C12orf42: variants seen among roughly 807,000 people sequenced by gnomAD.
C12orf42 encodes the protein chromosome 12 open reading frame 42, also known as uncharacterized protein C12orf42.
A neutral mutation model predicts 21.6 loss-of-function variants in C12orf42; 25 were observed. The ratio of observed to expected loss-of-function variants is 1.16; its 90% CI spans 0.84 to 1.62. The LOEUF (loss-of-function observed/expected upper bound fraction) is 1.62. C12orf42 is among the 40% of genes most tolerant of loss of function. The pLI is 0.00. For synonymous variants in C12orf42, 174 were observed against 175.0 expected (o/e 0.99, Z 0.05); for missense variants, 483 against 459.3 (o/e 1.05, Z -0.47).
chr12:103,370,141 A>T (rs1224818847), intron 3 of C12orf42, among the ~76,000 whole-genome samples: 1 of 152,164 alleles, frequency 6.6e-6, no homozygotes, highest in Admixed American at 6.6e-5. Context: ...GCTCAACATC[A>T]CTAATCATTA....
chr12:103,473,739 CTCCCAA>C (rs1407583925), intron 2 of C12orf42, among the ~76,000 whole-genome samples: 2 of 152,184 alleles, frequency 1.3e-5, no homozygotes, highest in Non-Finnish European at 2.9e-5. Context: ...CCTGAGCTCA[CTCCCAA>C]TCCCTGTATT....
At chr12:103,527,154 G>A in the C12orf42 span, among the ~76,000 whole-genome samples, 1,269 of 152,090 alleles carry the variant, frequency 8.3e-3, 19 homozygotes, top group African/African-American at 0.029. Context: ...CTGCTGAAAG[G>A]CTTCTGAGAA....
chr12:103,553,334 A>C, the C12orf42 span, among the ~76,000 whole-genome samples: 1 of 152,136 alleles, frequency 6.6e-6, no homozygotes, highest in African/African-American at 2.4e-5. Context: ...TAGTATAAGA[A>C]GGCATATGAC....
chr12:103,343,774 CAA>C (rs397747722), intron 4 of C12orf42, among the ~76,000 whole-genome samples: 13 of 62,860 alleles, frequency 2.1e-4, no homozygotes, highest in Admixed American at 7.0e-4. Context: ...AACTCTGTCA[CAA>C]AAAAAAAAAA....
At chr12:103,092,829 A>T in the C12orf42 span, among the ~76,000 whole-genome samples, 3 of 151,330 alleles carry the variant, frequency 2.0e-5, no homozygotes, top group African/African-American at 7.3e-5. Flanking sequence ...CCTTTTCCTC[A>T]ACCTTGCTAT....
intron 1 of C12orf42, among the ~76,000 whole-genome samples, chr12:103,481,216 A>T (rs2138060528): frequency 6.6e-6 from 1 of 151,968 alleles, no homozygotes; most frequent in East Asian, 1.9e-4. Context: ...ACACAGTAAA[A>T]CCTATGCCAT....
intron 2 of C12orf42, among the ~76,000 whole-genome samples, chr12:103,461,107 A>G (rs1952670516): frequency 6.6e-6 from 1 of 152,228 alleles, no homozygotes; most frequent in Non-Finnish European, 1.5e-5. Flanking sequence ...ACAATAATTT[A>G]TGAGAATAAA....
At chr12:103,384,018 G>A (rs1448780620) in intron 3 of C12orf42, among the ~76,000 whole-genome samples, 3 of 152,120 alleles carry the variant, frequency 2.0e-5, no homozygotes, top group African/African-American at 7.2e-5. Flanking sequence ...GTGGTTACAG[G>A]GATGCAGTGG....
At chr12:103,208,237 C>T in the C12orf42 span, among the ~76,000 whole-genome samples, 6 of 152,100 alleles carry the variant, frequency 3.9e-5, no homozygotes, top group African/African-American at 1.4e-4. Flanking sequence ...AGGGGCTGGC[C>T]CATTGAAGAT....
Position 103,346,706 on chromosome 12 carries a change from G to A in C12orf42, c.259+22181C>T, listed in dbSNP as rs1005983691. Among the ~76,000 whole-genome samples the A allele has an allele frequency of 7.9e-5, 12 of 152,186 alleles. No individual in the cohort carries two copies. The South Asian group carries it at 1.5e-3, about 18-fold the overall frequency. ...TGCCCATCCTAAGCAGAATCCTTCC[G>A]CAACTGAGTGACATGGTTGCACTAC... On this transcript the variant is annotated intron_variant, in intron 4 of 5. Coordinates refer to ENST00000548883, the MANE Select transcript of C12orf42 (RefSeq NM_198521.5).
intron 2 of C12orf42, among the ~76,000 whole-genome samples, chr12:103,452,522 C>G (rs2137511226): frequency 6.6e-6 from 1 of 152,256 alleles, no homozygotes; most frequent in East Asian, 1.9e-4. Context: ...CACCCCATTA[C>G]TGGGTATATA....
At chr12:103,434,485 G>A (rs1244809222) in intron 2 of C12orf42, among the ~76,000 whole-genome samples, 3 of 152,206 alleles carry the variant, frequency 2.0e-5, no homozygotes, top group African/African-American at 4.8e-5. Flanking sequence ...TTCCATTTGA[G>A]GTACCGGGTT....
chr12:103,334,326 T>C (rs1469531891), intron 4 of C12orf42, among the ~76,000 whole-genome samples: 1 of 152,120 alleles, frequency 6.6e-6, no homozygotes, highest in African/African-American at 2.4e-5. Context: ...AAGGAGTAAT[T>C]TAAATTTTAA....
chr12:103,532,193 T>C, the C12orf42 span, among the ~76,000 whole-genome samples: 1 of 152,178 alleles, frequency 6.6e-6, no homozygotes, highest in Non-Finnish European at 1.5e-5. Context: ...CTCCTGGTGC[T>C]TCTCCCTACA....
chr12:103,177,752 C>T, the C12orf42 span, among the ~76,000 whole-genome samples: 2 of 152,120 alleles, frequency 1.3e-5, no homozygotes, highest in African/African-American at 2.4e-5. Context: ...TTCTCCGATG[C>T]TGCTTTTGTG....
At chr12:103,256,181 C>CAT (rs1226594168) in intron 10 of C12orf42, among the ~76,000 whole-genome samples, 1 of 114,672 alleles carries the variant, frequency 8.7e-6, no homozygotes, top group Non-Finnish European at 1.8e-5. Flanking sequence ...CATATATATA[C>CAT]ATATATATAC....
intron 3 of C12orf42, among the ~76,000 whole-genome samples, chr12:103,395,521 G>A (rs2047452526): frequency 6.6e-6 from 1 of 152,048 alleles, no homozygotes; most frequent in African/African-American, 2.4e-5. Flanking sequence ...ATTTTTAGTA[G>A]AGACTTGGTT....
chr12:103,479,318 T>C (rs7977907), intron 1 of C12orf42, among the ~76,000 whole-genome samples: 125,659 of 152,016 alleles, frequency 0.83, 51,973 homozygotes, highest in Admixed American at 0.88. Context: ...GATAGTTCAA[T>C]CAATAGGAAG....
the C12orf42 span, among the ~76,000 whole-genome samples, chr12:103,520,524 TAAC>T: frequency 5.1e-4 from 76 of 149,916 alleles, no homozygotes; most frequent in Admixed American, 1.2e-3. Context: ...CCTCTGCCCC[TAAC>T]AACAACAACA....
Sources: allele counts gnomAD v4.1 joint callset (sites outside exome capture counted in the v4.1 genomes callset), GRCh38; gene constraint gnomAD v4.1.1; transcripts MANE v1.5; gene names NCBI Gene and HGNC (gene_info 2026-07-23, HGNC 2026-07-21).